NPAS4: variants seen among roughly 807,000 people sequenced by gnomAD.
NPAS4 encodes neuronal PAS domain protein 4.
Under a neutral mutation model 64.0 loss-of-function variants are expected in NPAS4, and 10 were observed. The ratio of observed to expected loss-of-function variants is 0.16; its 90% CI spans 0.10 to 0.26. The LOEUF (loss-of-function observed/expected upper bound fraction) is 0.26, where lower values mean the gene tolerates loss of function less well. Among genes scored for constraint, NPAS4 ranks in the 10% least tolerant of loss-of-function variants. The probability of loss-of-function intolerance (pLI) is 1.00; values close to 1 mark genes in which losing one functional copy is unlikely to be tolerated. For missense variants in NPAS4, 886 were observed against 992.6 expected, an observed-to-expected ratio of 0.89 and a Z score of 1.44; for synonymous variants, 441 against 411.7, an observed-to-expected ratio of 1.07 and a Z score of -0.86.
upstream of NPAS4, chr11:66,417,135 C>G (rs1856680690): frequency 6.6e-6 from 1 of 152,180 alleles, no homozygotes; most frequent in South Asian, 2.1e-4. Flanking sequence ...CTCCTCGATG[C>G]CATCACCTCT....
At chr11:66,412,252 G>A in the NPAS4 span, among the ~76,000 whole-genome samples, 1 of 152,240 alleles carries the variant, frequency 6.6e-6, no homozygotes, top group African/African-American at 2.4e-5. Flanking sequence ...GGGTGTGTTG[G>A]GCCCGGCCCG....
At chr11:66,418,509 A>C (rs544312808), upstream of NPAS4, among the ~76,000 whole-genome samples, 3 of 152,172 alleles carry the variant, frequency 2.0e-5, no homozygotes, top group African/African-American at 7.2e-5. Flanking sequence ...GAGCTGGCCT[A>C]GGGAGAGGAG....
chr11:66,414,759 C>T, the NPAS4 span, among the ~76,000 whole-genome samples: 5 of 152,202 alleles, frequency 3.3e-5, no homozygotes, highest in Non-Finnish European at 5.9e-5. Flanking sequence ...TCTCACTGCA[C>T]TGACCGCGGA....
At chr11:66,419,077 A>T (rs1437856506), upstream of NPAS4, among the ~76,000 whole-genome samples, 3 of 151,840 alleles carry the variant, frequency 2.0e-5, no homozygotes, top group African/African-American at 7.2e-5. Context: ...AGATCAAGGG[A>T]TTGTTCAAAT....
chr11:66,420,064 G>GCCCCGC (rs969082041), upstream of NPAS4, among the ~76,000 whole-genome samples: 6 of 152,282 alleles, frequency 3.9e-5, no homozygotes, highest in Admixed American at 2.6e-4. Context: ...GATTCCCCCG[G>GCCCCGC]CCCCGCCCCC....
In NPAS4 at chr11:66,425,053, T is replaced by G. The variant is rs1856818537; in HGVS notation, c.2163T>G (p.Asp721Glu). ...EDIFMDLSTP[D>E]PSEEWGSGDP... ...TCTTCATGGATCTCTCTACCCCAGA[T>G]CCCAGTGAGGAATGGGGCTCAGGGG... Residue 721 changes from aspartate to glutamate, a missense_variant, in exon 7 of 8, where the codon GAT (aspartate) becomes GAG (glutamate). Physicochemically the swap from Asp to Glu is conservative, Grantham distance 45 (BLOSUM62 2). Transcript: ENST00000311034. 1 of 1,610,880 alleles carries G rather than the reference T, an allele frequency of 6.2e-7. No homozygotes were observed. Among genetic ancestry groups the G allele is most frequent in the African/African-American group, 1.3e-5 (1 of 74,892 alleles).
the NPAS4 span, among the ~76,000 whole-genome samples, chr11:66,412,329 G>A: frequency 0.02 from 3,111 of 152,306 alleles, 110 homozygotes; most frequent in African/African-American, 0.071. Context: ...GGAGCCTGCT[G>A]GGGCCCGAGC....
chr11:66,423,742 C>A (rs1328752756), intron 6 of NPAS4, 29 bp downstream of exon 6: 4 of 1,613,066 alleles, frequency 2.5e-6, no homozygotes, highest in African/African-American at 2.7e-5. Flanking sequence ...GACTAGGGGG[C>A]AGCTGAGGTC....
rs1438627985 is a variant in NPAS4, at chr11:66,425,488, A to AGTGCTAGGGAATTCTTAAGTAAGGGCTT, written c.2380+224_2380+251dup. Among the ~76,000 whole-genome samples, 3 of 152,078 alleles carry AGTGCTAGGGAATTCTTAAGTAAGGGCTT rather than the reference A, an allele frequency of 2.0e-5. No homozygotes were observed. The East Asian group carries it at 5.8e-4, about 29-fold the overall frequency. ...GGCAGGGGTTGGGGCTGTGGGATAGAGTGCTAGGGAATTCTTAAGTAAGGG... is the reference window on the plus strand; with the variant it reads ...GGCAGGGGTTGGGGCTGTGGGATAGAGTGCTAGGGAATTCTTAAGTAAGGGCTTGTGCTAGGGAATTCTTAAGTAAGGG... On this transcript the variant is annotated intron_variant, in intron 7 of 7. Transcript: ENST00000311034.
At chr11:66,411,517 T>C in the NPAS4 span, among the ~76,000 whole-genome samples, 3 of 152,206 alleles carry the variant, frequency 2.0e-5, no homozygotes, top group Non-Finnish European at 4.4e-5. Context: ...TTCCTGGACC[T>C]TGGACTCCTT....
Position 66,424,331 on chromosome 11 carries a change from C to A in NPAS4, c.1441C>A (p.Leu481Ile), listed in dbSNP as rs1856804591. 1.2e-6 allele frequency: 2 copies of A among 1,614,084 alleles called. No homozygotes were observed. The highest frequency in any genetic ancestry group is 8.5e-7 in the Non-Finnish European group (1 of 1,180,040). Residue 481 changes from leucine to isoleucine, a missense_variant, in exon 7 of 8, where the codon CTA becomes ATA. Around this residue, in one of 3 missense-constraint regions of NPAS4, gnomAD observed 820 missense variants for 855.5 expected, o/e 0.96. Coordinates refer to ENST00000311034, the MANE Select transcript of NPAS4 (RefSeq NM_178864.4). ...CAGCAGTGCAACCTTCCCAGATCCACTAACTAGCCCACTGCAAGGCCAGTT... is the reference window on the plus strand; with the variant it reads ...CAGCAGTGCAACCTTCCCAGATCCAATAACTAGCCCACTGCAAGGCCAGTT... ...TPSSATFPDP[L>I]TSPLQGQLTE...
intron 1 of NPAS4, among the ~76,000 whole-genome samples, chr11:66,421,846 T>C (rs527490324): frequency 1.3e-4 from 20 of 152,332 alleles, no homozygotes; most frequent in African/African-American, 3.8e-4. Flanking sequence ...TCCGCGGTTC[T>C]GAAATTCAGA....
upstream of NPAS4, among the ~76,000 whole-genome samples, chr11:66,420,278 G>T (rs557565884): frequency 1.4e-4 from 21 of 152,340 alleles, no homozygotes; most frequent in African/African-American, 4.8e-4. Flanking sequence ...CGCTGATGTT[G>T]GTTTCTATTC....
chr11:66,424,992 A>T lies in NPAS4; in HGVS notation c.2102A>T (p.Asp701Val), dbSNP rs748143698. 1 of 1,614,150 alleles carries T rather than the reference A, an allele frequency of 6.2e-7. No homozygotes were observed. The highest frequency in any genetic ancestry group is 8.5e-7 in the Non-Finnish European group (1 of 1,180,026). The change falls in exon 7 of 8, where the codon GAT becomes GTT. Residue 701 changes from aspartate (D) to valine (V), a missense_variant. Physicochemically the swap from Asp to Val is radical, Grantham distance 152. This residue lies in a region of NPAS4 where 820 missense variants were observed against 855.5 expected (regional missense o/e 0.96). Transcript: ENST00000311034. ...GAGCTGGACTTCCTGGCTGACCCTG[A>T]TAACATGTTCCTGGAAGAGACGCCC... ...CQELDFLADP[D>V]NMFLEETPVE...
At chr11:66,415,705 A>G in the NPAS4 span, among the ~76,000 whole-genome samples, 1 of 152,216 alleles carries the variant, frequency 6.6e-6, no homozygotes, top group East Asian at 1.9e-4. Context: ...TGCAAAAGAG[A>G]AAGCTTGGGT....
upstream of NPAS4, among the ~76,000 whole-genome samples, chr11:66,417,589 G>A (rs1856685953): frequency 1.3e-5 from 2 of 152,304 alleles, no homozygotes; most frequent in South Asian, 4.1e-4. Flanking sequence ...GCAAGATATA[G>A]ATGGTGCAGG....
rs750762231 is a variant in NPAS4, at chr11:66,424,064, C to G, written c.1174C>G (p.Arg392Gly). Reference sequence around the variant, plus strand: ...TGTCTCTGCATCAGAAGAGCTTCCCCGACCCTCCAAAGAACTGGACTTCAG... The same window carrying G: ...TGTCTCTGCATCAGAAGAGCTTCCCGGACCCTCCAAAGAACTGGACTTCAG... ...SVVSASEELPRPSKELDFSYL... is the reference protein window; with the variant it reads ...SVVSASEELPGPSKELDFSYL... Residue 392 changes from arginine (R) to glycine (G), a missense_variant, in exon 7 of 8, where the codon CGA (arginine) becomes GGA (glycine). By Grantham distance (125) the Arg-to-Gly change is moderately radical. Coordinates refer to ENST00000311034, the MANE Select transcript of NPAS4 (RefSeq NM_178864.4). 1 of 1,614,106 alleles carries G rather than the reference C, an allele frequency of 6.2e-7. No homozygotes were observed. Among genetic ancestry groups the G allele is most frequent in the Admixed American group, 1.7e-5 (1 of 60,014 alleles).
chr11:66,423,033 T>C, intron 4 of NPAS4, 90 bp from the exon 5 acceptor site: 2 of 1,526,592 alleles, frequency 1.3e-6, no homozygotes, highest in South Asian at 2.3e-5. Context: ...GGATGGGGTT[T>C]AGGGGGGCAG....
chr11:66,424,387 C>A lies in NPAS4; in HGVS notation c.1497C>A (p.Asp499Glu), dbSNP rs971165532. The A allele has an allele frequency of 2.5e-5, 40 of 1,613,952 alleles. No individual in the cohort carries two copies. The highest frequency in any genetic ancestry group is 3.1e-5 in the Non-Finnish European group (37 of 1,179,976). Residue 499 changes from aspartate (D) to glutamate (E), a missense_variant, in exon 7 of 8, where the codon GAC (aspartate) becomes GAA (glutamate). Physicochemically the swap from Asp to Glu is conservative, Grantham distance 45. Transcript: ENST00000311034. Reference sequence around the variant, plus strand: ...AAACCTCGGTCAGAAGCTATGAAGACCAGTTGACTCCCTGCACCTCCACCT... The same window carrying A: ...AAACCTCGGTCAGAAGCTATGAAGAACAGTTGACTCCCTGCACCTCCACCT... ...LTETSVRSYEDQLTPCTSTFP... is the reference protein window; with the variant it reads ...LTETSVRSYEEQLTPCTSTFP...
Sources: allele counts gnomAD v4.1 joint callset (sites outside exome capture counted in the v4.1 genomes callset), GRCh38; gene constraint gnomAD v4.1.1; regional missense constraint gnomAD v4.1.1; transcripts MANE v1.5; gene names NCBI Gene and HGNC (gene_info 2026-07-23, HGNC 2026-07-21).